The following TBC1D5 variants were observed in gnomAD, a reference collection of about 807,000 sequenced individuals.
TBC1D5 encodes the protein TBC1 domain family member 5.
Under a neutral mutation model 100.3 loss-of-function variants are expected in TBC1D5, and 75 were observed. The ratio of observed to expected loss-of-function variants is 0.75; its 90% CI spans 0.62 to 0.91. TBC1D5 has a LOEUF of 0.91. TBC1D5 is among the 40% of genes least tolerant of loss of function. The pLI is 0.00. For synonymous variants in TBC1D5, 323 were observed against 325.6 expected (o/e 0.99, Z 0.09); for missense variants, 910 against 942.4 (o/e 0.97, Z 0.45).
At chr3:17,172,135 CT>C (rs1313660028) in intron 19 of TBC1D5, among the ~76,000 whole-genome samples, 1 of 152,142 alleles carries the variant, frequency 6.6e-6, no homozygotes, top group East Asian at 1.9e-4. Context: ...AGGGATAAAC[CT>C]TTTTTTAATC....
rs9881006 is a variant in TBC1D5 at position 17,708,284 on chromosome 3, C to T, written c.-101+31059G>A. Among the ~76,000 whole-genome samples the T allele has an allele frequency of 9.3e-4, 142 of 152,314 alleles. 1 individual carries two copies. The highest frequency in any genetic ancestry group is 3.2e-3 in the African/African-American group (134 of 41,576). ...TTTTGAGATCTACTACTGTATCTATCGATCTACTTTGTTCCTTTTAACTAT... is the reference window on the plus strand; with the variant it reads ...TTTTGAGATCTACTACTGTATCTATTGATCTACTTTGTTCCTTTTAACTAT... On this transcript the variant is annotated intron_variant, in intron 1 of 21. Transcript: ENST00000253692.
chr3:17,442,110 G>C (rs1359343590), intron 3 of TBC1D5, among the ~76,000 whole-genome samples: 2 of 152,188 alleles, frequency 1.3e-5, no homozygotes, highest in Non-Finnish European at 2.9e-5. Flanking sequence ...ACAACAGGAT[G>C]AATCTGAGAA....
At chr3:17,563,940 G>A (rs1053174264) in intron 2 of TBC1D5, among the ~76,000 whole-genome samples, 4 of 152,210 alleles carry the variant, frequency 2.6e-5, no homozygotes, top group East Asian at 1.9e-4. Flanking sequence ...CCGCCACCAT[G>A]CCTGGCTAAT....
At chr3:17,392,500 C>T (rs2093381441) in intron 8 of TBC1D5, among the ~76,000 whole-genome samples, 2 of 152,090 alleles carry the variant, frequency 1.3e-5, no homozygotes, top group South Asian at 4.1e-4. Flanking sequence ...TCTCCTAACG[C>T]TATCCTTCCC....
At chr3:17,177,106 A>AAT (rs1490131991) in intron 19 of TBC1D5, among the ~76,000 whole-genome samples, 1 of 152,242 alleles carries the variant, frequency 6.6e-6, no homozygotes, top group Non-Finnish European at 1.5e-5. Flanking sequence ...ACTTGGTATT[A>AAT]AATTTTTTTA....
At chr3:17,594,194 T>C (rs2060417122) in intron 2 of TBC1D5, among the ~76,000 whole-genome samples, 1 of 152,184 alleles carries the variant, frequency 6.6e-6, no homozygotes, top group African/African-American at 2.4e-5. Flanking sequence ...TAGTGTTGGC[T>C]GGGGTGAATG....
intron 2 of TBC1D5, among the ~76,000 whole-genome samples, chr3:17,622,171 G>A (rs543441545): frequency 6.6e-6 from 1 of 152,256 alleles, no homozygotes; most frequent in South Asian, 2.1e-4. Context: ...TTCTCATAAG[G>A]AATGAGCAAT....
At chr3:17,729,932 A>T (rs1020863693) in intron 1 of TBC1D5, among the ~76,000 whole-genome samples, 1 of 152,014 alleles carries the variant, frequency 6.6e-6, no homozygotes, top group Non-Finnish European at 1.5e-5. Context: ...AACATGGTGA[A>T]ACCCTATCTC....
At chr3:17,606,519 T>C (rs1229458114) in intron 2 of TBC1D5, among the ~76,000 whole-genome samples, 1 of 152,178 alleles carries the variant, frequency 6.6e-6, no homozygotes, top group Non-Finnish European at 1.5e-5. Flanking sequence ...GCAAGAATAG[T>C]GTAATTAATG....
At chr3:17,347,816 C>G (rs1488657198) in intron 13 of TBC1D5, among the ~76,000 whole-genome samples, 1 of 152,112 alleles carries the variant, frequency 6.6e-6, no homozygotes, top group Non-Finnish European at 1.5e-5. Flanking sequence ...CTGGGCAACA[C>G]AGCAAGACCT....
chr3:17,274,482 G>C (rs1362522233), intron 15 of TBC1D5, among the ~76,000 whole-genome samples: 1 of 152,166 alleles, frequency 6.6e-6, no homozygotes, highest in Non-Finnish European at 1.5e-5. Context: ...GGATTATCTT[G>C]TAAGTGGAAT....
At chr3:17,518,973 C>G (rs1455306437) in intron 2 of TBC1D5, 1 of 152,334 alleles carries the variant, frequency 6.6e-6, no homozygotes, top group East Asian at 1.9e-4. Flanking sequence ...CAGTTTCCAC[C>G]TCGTTTGCTC....
chr3:17,583,723 T>C (rs115365414), intron 2 of TBC1D5, among the ~76,000 whole-genome samples: 1,682 of 152,182 alleles, frequency 0.011, 22 homozygotes, highest in African/African-American at 0.038. Context: ...CAAGACTGTC[T>C]CAAAGAAAGT....
At chr3:17,612,176 T>G (rs892100272) in intron 2 of TBC1D5, among the ~76,000 whole-genome samples, 4 of 151,634 alleles carry the variant, frequency 2.6e-5, no homozygotes, top group African/African-American at 9.7e-5. Context: ...GGTGTGTACC[T>G]GTAGTCCCAG....
chr3:17,401,625 G>C (rs891950768), intron 8 of TBC1D5, among the ~76,000 whole-genome samples: 1 of 151,910 alleles, frequency 6.6e-6, no homozygotes, highest in African/African-American at 2.4e-5. Flanking sequence ...GGCCCCCATG[G>C]CCTCTGACTC....
At chr3:17,722,031 GCCTGA>G (rs2075752690) in intron 1 of TBC1D5, among the ~76,000 whole-genome samples, 1 of 152,112 alleles carries the variant, frequency 6.6e-6, no homozygotes, top group Non-Finnish European at 1.5e-5. Flanking sequence ...ATGTGAAGTT[GCCTGA>G]CCTGTGAGCA....
intron 18 of TBC1D5, among the ~76,000 whole-genome samples, chr3:17,200,810 G>T (rs1227087794): frequency 6.6e-6 from 1 of 152,148 alleles, no homozygotes; most frequent in Non-Finnish European, 1.5e-5. Context: ...AATTTCTCCT[G>T]AGCAACAAGC....
chr3:17,675,678 G>T (rs990086307), intron 1 of TBC1D5, among the ~76,000 whole-genome samples: 33 of 152,114 alleles, frequency 2.2e-4, no homozygotes, highest in Admixed American at 1.7e-3. Flanking sequence ...GATGATCAAA[G>T]GAAAACTTCC....
chr3:17,705,289 G>A (rs1388116812), intron 1 of TBC1D5, among the ~76,000 whole-genome samples: 5 of 102,800 alleles, frequency 4.9e-5, no homozygotes, highest in African/African-American at 6.9e-5. Flanking sequence ...CTGGCCAGGC[G>A]GGGGGCTGAC....
Sources: gnomAD v4.1 joint callset for allele counts (sites outside exome capture counted in the v4.1 genomes callset) on GRCh38, gnomAD v4.1.1 for gene constraint, MANE v1.5 for transcripts, NCBI Gene and HGNC (gene_info 2026-07-23, HGNC 2026-07-21) for gene names.